The following CEP126 variants were observed in gnomAD, a reference collection of about 807,000 sequenced individuals.
CEP126 encodes centrosomal protein 126.
A neutral mutation model predicts 107.8 loss-of-function variants in CEP126; 74 were observed. The ratio of observed to expected loss-of-function variants is 0.69; its 90% CI spans 0.57 to 0.83. The LOEUF is 0.83. CEP126 is among the 40% of genes least tolerant of loss of function. The pLI, the probability that CEP126 is intolerant of heterozygous loss-of-function variation, is 0.00. For missense variants in CEP126, 1,237 were observed against 1,281.9 expected, an observed-to-expected ratio of 0.96 and a Z score of 0.53; for synonymous variants, 449 against 446.0, an observed-to-expected ratio of 1.01 and a Z score of -0.08.
intron 4 of CEP126, among the ~76,000 whole-genome samples, chr11:101,957,882 C>T (rs1940920227): frequency 6.6e-6 from 1 of 152,110 alleles, no homozygotes; most frequent in Admixed American, 6.5e-5. Context: ...TACCCTTATC[C>T]CAGATTATAG....
In CEP126 at chr11:101,961,766, T is replaced by C. The variant is rs1205354916; in HGVS notation, c.731T>C (p.Ile244Thr). ...AAATTTTGTGATGAAGTTAATCAGA[T>C]AACCAATTCTGAAACCCTCTCAAGT... ...LQKFCDEVNQ[I>T]TNSETLSSID... The change falls in exon 6 of 11, where the codon ATA becomes ACA. Residue 244 changes from isoleucine to threonine, a missense_variant. Transcript: ENST00000263468. 1.9e-6 allele frequency: 3 copies of C among 1,547,164 alleles called. No homozygotes were observed. The highest frequency in any genetic ancestry group is 1.7e-6 in the Non-Finnish European group (2 of 1,149,646).
intron 2 of CEP126, among the ~76,000 whole-genome samples, chr11:101,929,119 G>GT (rs920315571): frequency 3.3e-5 from 5 of 152,016 alleles, no homozygotes; most frequent in Non-Finnish European, 7.4e-5. Context: ...TTCTGAGACT[G>GT]TTTTTTCATC....
rs779940536 is a variant in CEP126, at chr11:101,997,693, A to C, written c.*50A>C. 1.9e-6 allele frequency: 3 copies of C among 1,611,266 alleles called. No individual in the cohort carries two copies. In the African/African-American group the frequency reaches 4.0e-5, roughly 22 times the overall value. ...ACCTTTCATGTACTTCCCTAGGACT[A>C]GATGCATACCGTTTTGTGAAAACCA... On this transcript the variant is annotated 3_prime_UTR_variant, in exon 11 of 11. Coordinates refer to ENST00000263468, the MANE Select transcript of CEP126 (RefSeq NM_020802.4).
intron 8 of CEP126, among the ~76,000 whole-genome samples, chr11:101,985,328 G>A (rs968751399): frequency 2.0e-5 from 3 of 151,080 alleles, no homozygotes; most frequent in Non-Finnish European, 4.4e-5. Flanking sequence ...TGTCACCTAG[G>A]CTGAAGTGCA....
chr11:101,933,814 A>ACCC (rs150633052), intron 2 of CEP126, among the ~76,000 whole-genome samples: 114 of 122,688 alleles, frequency 9.3e-4, no homozygotes, highest in Non-Finnish European at 1.1e-3. Flanking sequence ...CACCCCCGAG[A>ACCC]CCCCCCCCCC....
chr11:101,956,654 T>G (rs1234887810), intron 4 of CEP126: 1 of 456,378 alleles, frequency 2.2e-6, no homozygotes, highest in Non-Finnish European at 4.4e-6. Flanking sequence ...ACCTCCTTCA[T>G]CTATCCCTCT....
chr11:101,980,780 T>C (rs112642443), intron 7 of CEP126, among the ~76,000 whole-genome samples: 6 of 152,298 alleles, frequency 3.9e-5, no homozygotes, highest in African/African-American at 1.4e-4. Context: ...CTCAAAGAGA[T>C]AAGTGAAAGG....
Position 101,983,464 on chromosome 11 carries a change from A to G in CEP126, c.3034+1500A>G, listed in dbSNP as rs531592737. Among the ~76,000 whole-genome samples the G allele has an allele frequency of 1.4e-3, 209 of 152,350 alleles. 2 individuals carry two copies. The highest frequency in any genetic ancestry group is 0.014 in the Middle Eastern group (4 of 294). On this transcript the variant is annotated intron_variant, in intron 8 of 10. Transcript: ENST00000263468. Reference sequence around the variant, plus strand: ...GCGTCGCATGAGCACATGCCACTTAATGGTATGCTGATCATGAAACAAGCA... The same window carrying G: ...GCGTCGCATGAGCACATGCCACTTAGTGGTATGCTGATCATGAAACAAGCA...
At chr11:101,987,967 T>TGAA (rs1941334386) in intron 9 of CEP126, among the ~76,000 whole-genome samples, 1 of 145,726 alleles carries the variant, frequency 6.9e-6, no homozygotes, top group African/African-American at 2.5e-5. Context: ...AGCCTACAAT[T>TGAA]AAAAAAAAAG....
chr11:101,919,482 G>C (rs1438838685), intron 1 of CEP126, among the ~76,000 whole-genome samples: 1 of 151,394 alleles, frequency 6.6e-6, no homozygotes, highest in African/African-American at 2.4e-5. Flanking sequence ...CCTTCTTTTG[G>C]ACAGGTATTT....
intron 2 of CEP126, among the ~76,000 whole-genome samples, chr11:101,943,085 C>T (rs1382842967): frequency 6.7e-6 from 1 of 149,412 alleles, no homozygotes; most frequent in Non-Finnish European, 1.5e-5. Flanking sequence ...AGTCCGGATG[C>T]CTTTTTTTTT....
Position 101,915,408 on chromosome 11 carries a change from T to A in CEP126, c.124T>A (p.Tyr42Asn). 1 of 1,612,594 alleles carries A rather than the reference T, an allele frequency of 6.2e-7. No homozygotes were observed. The highest frequency in any genetic ancestry group is 8.5e-7 in the Non-Finnish European group (1 of 1,179,286). ...ESGGHHRPGS[Y>N]LDMKIHLEKN... is the part of the protein sequence containing the mutation. ...CGGCGGGCATCACCGACCTGGCTCT[T>A]ACCTGTATCCTTCCCAGCCTGTGGC... The change falls in exon 1 of 11, where the codon TAC becomes AAC. Residue 42 changes from tyrosine (Y) to asparagine (N), a missense_variant. By Grantham distance (143) the Tyr-to-Asn change is moderately radical. Coordinates refer to ENST00000263468, the MANE Select transcript of CEP126 (RefSeq NM_020802.4).
chr11:101,985,988 A>ATTTTTTTTT lies in CEP126; in HGVS notation c.3035-841_3035-840insTTTTTTTTT, dbSNP rs773628925. 8.7e-5 allele frequency among the ~76,000 whole-genome samples: 11 copies of ATTTTTTTTT among 126,458 alleles called. 1 individual carries two copies. The highest frequency in any genetic ancestry group is 1.7e-4 in the Admixed American group (2 of 11,810). 83.0% of individuals were successfully genotyped at this position (126,458 alleles called of 152,430 possible). A position where few individuals can be genotyped will look rare whatever the true frequency, so the allele number is the denominator to read the frequency against. ...CAGTGGGAAGTAAAACTCTGAATTG[A>ATTTTTTTTT]TTTCTTTTTTTTTTTTTTTTTTTTG... On this transcript the variant is annotated intron_variant, in intron 8 of 10. Transcript: ENST00000263468.
Position 101,958,237 on chromosome 11 carries a change from C to T in CEP126, c.576C>T (p.Ser192=). 2 of 1,613,910 alleles carry T rather than the reference C, an allele frequency of 1.2e-6. No individual in the cohort carries two copies. Among genetic ancestry groups the T allele is most frequent in the Non-Finnish European group, 8.5e-7 (1 of 1,179,906 alleles). Residue 192 remains serine, a synonymous_variant, in exon 5 of 11, where the codon TCC becomes TCT. Transcript: ENST00000263468. The part of the protein sequence containing the change: ...NDHKHQKQLL[S]KINCEKEMNE... ...ACAAGCATCAGAAACAACTCTTATC[C>T]AAAATCAATTGTGAGAAAGAAATGA...
At chr11:101,989,217 AT>A (rs1371796555) in intron 9 of CEP126, among the ~76,000 whole-genome samples, 11 of 152,344 alleles carry the variant, frequency 7.2e-5, no homozygotes, top group South Asian at 6.2e-4. Flanking sequence ...AAGAAAAAAA[AT>A]AATAGGAATT....
chr11:101,939,852 C>T (rs750324567), intron 2 of CEP126, among the ~76,000 whole-genome samples: 1 of 152,138 alleles, frequency 6.6e-6, no homozygotes, highest in African/African-American at 2.4e-5. Context: ...CTCAAACCAA[C>T]TCTCAGATAT....
intron 5 of CEP126, among the ~76,000 whole-genome samples, chr11:101,958,739 T>A (rs926616953): frequency 3.3e-5 from 5 of 152,338 alleles, no homozygotes; most frequent in African/African-American, 1.2e-4. Flanking sequence ...AGATATCAGC[T>A]GATTTTCCTA....
At chr11:101,926,040 C>A (rs1244236119) in intron 2 of CEP126, among the ~76,000 whole-genome samples, 1 of 151,976 alleles carries the variant, frequency 6.6e-6, no homozygotes, top group Non-Finnish European at 1.5e-5. Flanking sequence ...GTCATTTATT[C>A]ACTCAACTAA....
At chr11:101,965,232 G>A (rs1941045279) in intron 6 of CEP126, among the ~76,000 whole-genome samples, 1 of 152,134 alleles carries the variant, frequency 6.6e-6, no homozygotes, top group African/African-American at 2.4e-5. Flanking sequence ...AGTTAGGACT[G>A]GAGTCTGGAG....
Sources: allele counts gnomAD v4.1 joint callset (sites outside exome capture counted in the v4.1 genomes callset), GRCh38; gene constraint gnomAD v4.1.1; transcripts MANE v1.5; gene names NCBI Gene and HGNC (gene_info 2026-07-23, HGNC 2026-07-21).